Variants in ZNF423 observed in about 807,000 individuals in gnomAD.
The protein encoded by ZNF423 is zinc finger protein 423.
In ZNF423, 12 loss-of-function variants were observed where a neutral mutation model predicts 95.8. The ratio of observed to expected loss-of-function variants is 0.13; its 90% CI spans 0.08 to 0.20. The LOEUF is 0.20. Ranked by LOEUF, ZNF423 falls within the 10% of genes least tolerant of loss-of-function variation. ZNF423 has a pLI of 1.00. For synonymous variants in ZNF423, 749 were observed against 711.9 expected (o/e 1.05, Z -0.83); for missense variants, 1,316 against 1,737.1 (o/e 0.76, Z 4.31).
intron 2 of ZNF423, among the ~76,000 whole-genome samples, chr16:49,752,226 G>A (rs535778021): frequency 2.6e-5 from 4 of 152,340 alleles, no homozygotes; most frequent in African/African-American, 7.2e-5. Context: ...CTGATGCCTC[G>A]CCTGGCTTCC....
At chr16:49,693,699 G>C (rs369991255) in intron 3 of ZNF423, among the ~76,000 whole-genome samples, 1 of 152,228 alleles carries the variant, frequency 6.6e-6, no homozygotes, top group Non-Finnish European at 1.5e-5. Flanking sequence ...ACAGGAAAGA[G>C]ATGCTCTACC....
chr16:49,732,998 C>T (rs17282218), intron 2 of ZNF423, among the ~76,000 whole-genome samples: 34,476 of 152,172 alleles, frequency 0.23, 4,413 homozygotes, highest in Non-Finnish European at 0.3. Context: ...ATTATCAGAA[C>T]GCGCCAACTC....
At chr16:49,580,037 C>T (rs75168062) in intron 5 of ZNF423, among the ~76,000 whole-genome samples, 1,783 of 152,282 alleles carry the variant, frequency 0.012, 13 homozygotes, top group Non-Finnish European at 0.019. Context: ...GAGCTTCCAC[C>T]CTTGCTCTTG....
At chr16:49,718,581 G>A (rs553306226) in intron 3 of ZNF423, among the ~76,000 whole-genome samples, 4 of 152,168 alleles carry the variant, frequency 2.6e-5, no homozygotes, top group Non-Finnish European at 1.5e-5. Flanking sequence ...AGTCTGTTCA[G>A]GCTCATATAA....
chr16:49,812,266 C>G (rs966363554), intron 1 of ZNF423, among the ~76,000 whole-genome samples: 1 of 152,256 alleles, frequency 6.6e-6, no homozygotes, highest in Non-Finnish European at 1.5e-5. Flanking sequence ...CACCAAGCCA[C>G]TGGGCTAGAG....
chr16:49,782,911 C>G (rs1303690177), intron 2 of ZNF423, among the ~76,000 whole-genome samples: 3 of 151,274 alleles, frequency 2.0e-5, no homozygotes, highest in African/African-American at 7.3e-5. Context: ...ATTGTTTGAG[C>G]CCAGGAGTTC....
At chr16:49,497,489 A>G (rs182474134) in intron 7 of ZNF423, among the ~76,000 whole-genome samples, 3 of 152,288 alleles carry the variant, frequency 2.0e-5, no homozygotes, top group East Asian at 1.9e-4. Context: ...TTGAGTCCCT[A>G]TAGCATATGA....
intron 7 of ZNF423, among the ~76,000 whole-genome samples, chr16:49,503,645 C>T (rs7201238): frequency 0.15 from 22,523 of 152,158 alleles, 2,013 homozygotes; most frequent in African/African-American, 0.25. Flanking sequence ...CTTGCAGAGG[C>T]TTCAACTCTG....
Position 49,636,629 on chromosome 16 carries a change from C to T in ZNF423, c.2547G>A (p.Thr849=), listed in dbSNP as rs376440612. Residue 849 remains threonine (T), a synonymous_variant, in exon 4 of 8, where the codon ACG becomes ACA. Coordinates refer to ENST00000563137, the MANE Select transcript of ZNF423 (RefSeq NM_001379286.1). The surrounding 1 kb of genome is among the most constrained non-coding windows in gnomAD (Gnocchi z 8.6). ...CVFDAATENG[T]ANGVPPMATK... ...TGGCCATTGGGGGTACCCCATTGGC[C>T]GTGCCGTTCTCGGTCGCAGCATCAA... The T allele has an allele frequency of 1.5e-5, 25 of 1,613,982 alleles. No individual in the cohort carries two copies. The African/African-American group carries it at 1.9e-4, about 12-fold the overall frequency.
intron 5 of ZNF423, among the ~76,000 whole-genome samples, chr16:49,579,967 C>T (rs868288870): frequency 1.3e-5 from 2 of 152,194 alleles, no homozygotes; most frequent in South Asian, 2.1e-4. Flanking sequence ...GCCACTGCCA[C>T]CACCATGGAC....
intron 7 of ZNF423, among the ~76,000 whole-genome samples, chr16:49,504,485 G>A (rs767469654): frequency 2.0e-5 from 3 of 152,182 alleles, no homozygotes; most frequent in East Asian, 1.9e-4. Context: ...GGGAGGCTGA[G>A]GCAGGAGAAT....
At chr16:49,815,871 AAAAAAAAAAAAT>A (rs2034830296) in intron 1 of ZNF423, among the ~76,000 whole-genome samples, 1 of 25,834 alleles carries the variant, frequency 3.9e-5, no homozygotes, top group African/African-American at 1.8e-4. Flanking sequence ...CCAAACAAAC[AAAAAAAAAAAAT>A]ATATATATAT....
In ZNF423 at chr16:49,555,255, A is replaced by G. The variant is rs118109412; in HGVS notation, c.3602-29761T>C. Among the ~76,000 whole-genome samples, 418 of 152,284 alleles carry G rather than the reference A, an allele frequency of 2.7e-3. 1 individual carries two copies. Among genetic ancestry groups the G allele is most frequent in the Non-Finnish European group, 4.6e-3 (310 of 68,010 alleles). ...CTCCAAAATCCTAGCCCTTGCCACAAGGAAGAAGCTGGGAAGGAACCTCTC... is the reference window on the plus strand; with the variant it reads ...CTCCAAAATCCTAGCCCTTGCCACAGGGAAGAAGCTGGGAAGGAACCTCTC... On this transcript the variant is annotated intron_variant, in intron 5 of 7. Transcript: ENST00000563137.
chr16:49,618,952 T>C (rs973146706), intron 5 of ZNF423, among the ~76,000 whole-genome samples: 2 of 152,178 alleles, frequency 1.3e-5, no homozygotes, highest in Non-Finnish European at 2.9e-5. Flanking sequence ...CCTCATCCCC[T>C]TTGCTGTGAT....
chr16:49,631,122 TCA>T (rs1404149374), intron 4 of ZNF423, among the ~76,000 whole-genome samples: 1 of 152,042 alleles, frequency 6.6e-6, no homozygotes, highest in African/African-American at 2.4e-5. Flanking sequence ...ATGGGCATGT[TCA>T]CACTCATCCA....
intron 5 of ZNF423, among the ~76,000 whole-genome samples, chr16:49,551,597 C>T (rs1166135257): frequency 1.3e-5 from 2 of 152,278 alleles, no homozygotes; most frequent in Non-Finnish European, 1.5e-5. Flanking sequence ...ACAAACCAGG[C>T]GGGAGGTGGG....
chr16:49,774,834 G>T (rs374305286), intron 2 of ZNF423, among the ~76,000 whole-genome samples: 4 of 152,102 alleles, frequency 2.6e-5, no homozygotes, highest in African/African-American at 9.7e-5. Flanking sequence ...CCAAGATTCC[G>T]GGCTTAGGGA....
intron 3 of ZNF423, among the ~76,000 whole-genome samples, chr16:49,663,479 G>T (rs1458506595): frequency 2.6e-5 from 4 of 152,016 alleles, no homozygotes; most frequent in African/African-American, 9.7e-5. Flanking sequence ...ATGTCCCCTT[G>T]GCATGCCGCC....
intron 1 of ZNF423, among the ~76,000 whole-genome samples, chr16:49,813,446 C>A (rs2034786236): frequency 6.6e-6 from 1 of 152,196 alleles, no homozygotes; most frequent in Non-Finnish European, 1.5e-5. Context: ...GGAACCGCCC[C>A]TAACCCTAAC....
Sources: allele counts gnomAD v4.1 joint callset (sites outside exome capture counted in the v4.1 genomes callset), GRCh38; gene constraint gnomAD v4.1.1; non-coding constraint Gnocchi (gnomAD v3.1); transcripts MANE v1.5; gene names NCBI Gene and HGNC (gene_info 2026-07-23, HGNC 2026-07-21).